SGSM2: variants seen among roughly 807,000 people sequenced by gnomAD.
SGSM2 encodes the protein small G protein signaling modulator 2, also known as RUN and TBC1 domain containing 1.
In SGSM2, 89 loss-of-function variants were observed where a neutral mutation model predicts 126.6. The ratio of observed to expected loss-of-function variants is 0.70; its 90% CI spans 0.59 to 0.84. The LOEUF (loss-of-function observed/expected upper bound fraction) is 0.84, where lower values mean the gene tolerates loss of function less well. Among genes scored for constraint, SGSM2 ranks in the 40% least tolerant of loss-of-function variants. The pLI is 0.00. For synonymous variants in SGSM2, 614 were observed against 574.3 expected (o/e 1.07, Z -0.99); for missense variants, 1,404 against 1,416.6 (o/e 0.99, Z 0.14).
intron 2 of SGSM2, among the ~76,000 whole-genome samples, chr17:2,345,208 A>G (rs57634692): frequency 0.024 from 3,637 of 152,264 alleles, 148 homozygotes; most frequent in African/African-American, 0.084. Context: ...CACGCCTGTA[A>G]TCCCAGCACT....
chr17:2,347,402 C>T (rs544538319), intron 2 of SGSM2, among the ~76,000 whole-genome samples: 26 of 151,040 alleles, frequency 1.7e-4, no homozygotes, highest in African/African-American at 4.9e-4. Context: ...CCATCACACC[C>T]GGCCTCATTT....
intron 2 of SGSM2, among the ~76,000 whole-genome samples, chr17:2,360,807 C>G (rs922712733): frequency 6.6e-6 from 1 of 152,216 alleles, no homozygotes; most frequent in East Asian, 1.9e-4. Flanking sequence ...AAAAGGGGCT[C>G]GGGCCGAGGC....
Position 2,379,589 on chromosome 17 carries a change from G to C in SGSM2, c.*69G>C. ...CAGGGAGAGGTGCAGGGGAGTCACC[G>C]CCCAGACCTCCCCAGCCACCAACCG... On this transcript the variant is annotated 3_prime_UTR_variant, in exon 24 of 24. Coordinates refer to ENST00000268989, the MANE Select transcript of SGSM2 (RefSeq NM_014853.3). 6.4e-7 allele frequency: 1 copy of C among 1,560,600 alleles called. No homozygotes were observed. The highest frequency in any genetic ancestry group is 8.7e-7 in the Non-Finnish European group (1 of 1,147,450).
At chr17:2,357,021 G>C (rs945029952) in intron 2 of SGSM2, among the ~76,000 whole-genome samples, 1 of 152,058 alleles carries the variant, frequency 6.6e-6, no homozygotes, top group African/African-American at 2.4e-5. Flanking sequence ...GGGGTGTAAG[G>C]GTTGGGGTGC....
intron 9 of SGSM2, 56 bp downstream of exon 9, chr17:2,364,719 C>T: frequency 6.3e-7 from 1 of 1,594,134 alleles, no homozygotes; most frequent in South Asian, 1.1e-5. Context: ...CTTCTGCCAG[C>T]TGTGCACTGT....
At chr17:2,376,584 T>A (rs1324978023) in intron 19 of SGSM2, 149 bp from the exon 20 acceptor site, 2 of 876,606 alleles carry the variant, frequency 2.3e-6, no homozygotes, top group Non-Finnish European at 3.6e-6. Flanking sequence ...TTCCCCGTTG[T>A]CTCCCTGTGG....
chr17:2,342,243 C>T (rs982530321), intron 1 of SGSM2, among the ~76,000 whole-genome samples: 1 of 150,588 alleles, frequency 6.6e-6, no homozygotes, highest in Admixed American at 6.6e-5. Context: ...TGGAGAAACC[C>T]CGTCTCTACT....
At chr17:2,371,132 C>G in intron 12 of SGSM2, 130 bp from the exon 13 acceptor site, 1 of 1,057,376 alleles carries the variant, frequency 9.5e-7, no homozygotes, top group Non-Finnish European at 1.3e-6. Flanking sequence ...CCAGGCAGGC[C>G]CCACCTCTGT....
rs557112911 is a variant in SGSM2, at chr17:2,373,154, G to A, written c.1917+73G>A. 9.7e-5 allele frequency: 154 copies of A among 1,587,186 alleles called. 1 individual carries two copies. In the East Asian group the frequency reaches 3.4e-3, roughly 35 times the overall value. On this transcript the variant is annotated intron_variant, in intron 16 of 23. Coordinates refer to ENST00000268989, the MANE Select transcript of SGSM2 (RefSeq NM_014853.3). ...CAGGGGACGCCAGGGAGGGGACCTT[G>A]GAAGCCTCAGCCCCTTCCCAGCCGG...
chr17:2,347,675 A>G (rs1209541135), intron 2 of SGSM2, among the ~76,000 whole-genome samples: 1 of 145,192 alleles, frequency 6.9e-6, no homozygotes, highest in Non-Finnish European at 1.5e-5. Context: ...AGGTCTTGCT[A>G]TGTTGCCAAG....
At position 2,380,426 on chromosome 17, in the gene SGSM2, A is replaced by G. The variant is rs1168486868; in HGVS notation, c.*906A>G. On this transcript the variant is annotated 3_prime_UTR_variant, in exon 24 of 24. Coordinates refer to ENST00000268989, the MANE Select transcript of SGSM2 (RefSeq NM_014853.3). ...ACAGGCCTCAGTTCGAGGGCAGCCC[A>G]TTATCTGTCGCAGACATCTGCCATG... 7 of 934,192 alleles carry G rather than the reference A, an allele frequency of 7.5e-6. No individual in the cohort carries two copies. Among genetic ancestry groups the G allele is most frequent in the Admixed American group, 2.0e-5 (1 of 49,200 alleles). The allele number at this position is 934,192 out of a possible 1,614,324, so 57.9% of individuals were successfully genotyped here. A position where few individuals can be genotyped will look rare whatever the true frequency, so the allele number is the denominator to read the frequency against.
Position 2,376,603 on chromosome 17 carries a change from C to T in SGSM2, c.2610-130C>T, listed in dbSNP as rs2066169536. ...CCGTTGTCTCCCTGTGGGGGGTGCA[C>T]AGTACATGCCTTAGGGTCGTGGAAA... On this transcript the variant is annotated intron_variant, in intron 19 of 23. Coordinates refer to ENST00000268989, the MANE Select transcript of SGSM2 (RefSeq NM_014853.3). 5.0e-6 allele frequency: 5 copies of T among 992,350 alleles called. No individual in the cohort carries two copies. The East Asian group carries it at 9.5e-5, about 19-fold the overall frequency. The allele number at this position is 992,350 out of a possible 1,614,324, so 61.5% of individuals were successfully genotyped here.
At chr17:2,340,611 GT>G (rs2064307076) in intron 1 of SGSM2, among the ~76,000 whole-genome samples, 1 of 149,414 alleles carries the variant, frequency 6.7e-6, no homozygotes, top group Non-Finnish European at 1.5e-5. Context: ...TTGAGATGGA[GT>G]CTCGCTCTGT....
chr17:2,371,650 G>T lies in SGSM2; in HGVS notation c.1577+235G>T, dbSNP rs2065877153. 5.6e-6 allele frequency: 3 copies of T among 540,538 alleles called. No individual in the cohort carries two copies. In the South Asian group the frequency reaches 6.8e-5, roughly 12 times the overall value. 33.5% of individuals were successfully genotyped at this position (540,538 alleles called of 1,614,324 possible). ...CTGTAAAATGGGGATGATGCCACTT[G>T]CTGCCTGCAGTACTTATGAGGACAG... On this transcript the variant is annotated intron_variant, in intron 13 of 23. Transcript: ENST00000268989.
intron 11 of SGSM2, among the ~76,000 whole-genome samples, chr17:2,366,131 G>C (rs369097753): frequency 6.6e-6 from 1 of 152,194 alleles, no homozygotes; most frequent in African/African-American, 2.4e-5. Flanking sequence ...AGCGTTAGCT[G>C]AAGTAGCAGG....
chr17:2,364,195 G>T lies in SGSM2; in HGVS notation c.932+12G>T, dbSNP rs535256396. ...GAGCTGGAAAAGAGGTGGGGGCTTTGGGACTCAATCCCAGGAGCCAGGGCA... is the reference window on the plus strand; with the variant it reads ...GAGCTGGAAAAGAGGTGGGGGCTTTTGGACTCAATCCCAGGAGCCAGGGCA... On this transcript the variant is annotated intron_variant, in intron 8 of 23. Transcript: ENST00000268989. The T allele has an allele frequency of 1.2e-5, 19 of 1,613,492 alleles. No individual in the cohort carries two copies. The African/African-American group carries it at 1.7e-4, about 15-fold the overall frequency.
rs2066353521 is a variant in SGSM2, at chr17:2,380,198, G to C, written c.*678G>C. 1 of 1,532,370 alleles carries C rather than the reference G, an allele frequency of 6.5e-7. No individual in the cohort carries two copies. Among genetic ancestry groups the C allele is most frequent in the African/African-American group, 1.4e-5 (1 of 72,918 alleles). 94.9% of individuals were successfully genotyped at this position (1,532,370 alleles called of 1,614,324 possible). A position where few individuals can be genotyped will look rare whatever the true frequency, so the allele number is the denominator to read the frequency against. ...GTGACCCCCAGGCCTCCCCGGCCTT[G>C]TACAGTGTACCTCTGTGTATCTGTA... On this transcript the variant is annotated 3_prime_UTR_variant, in exon 24 of 24. Transcript: ENST00000268989.
chr17:2,344,475 G>A (rs2064506279), intron 2 of SGSM2, among the ~76,000 whole-genome samples: 1 of 152,158 alleles, frequency 6.6e-6, no homozygotes, highest in African/African-American at 2.4e-5. Flanking sequence ...GGGATGCTTT[G>A]GACGGTAGTG....
intron 2 of SGSM2, among the ~76,000 whole-genome samples, chr17:2,347,370 G>GTGC (rs1359304686): frequency 3.3e-5 from 5 of 150,456 alleles, no homozygotes; most frequent in Non-Finnish European, 7.4e-5. Context: ...GCCTCCCAAA[G>GTGC]TGCTGGGATT....
Sources: gnomAD v4.1 joint callset for allele counts (sites outside exome capture counted in the v4.1 genomes callset) on GRCh38, gnomAD v4.1.1 for gene constraint, MANE v1.5 for transcripts, NCBI Gene and HGNC (gene_info 2026-07-23, HGNC 2026-07-21) for gene names.